Variants in SARDH observed in about 807,000 individuals in gnomAD.
SARDH encodes the protein sarcosine dehydrogenase, also known as sarcosine dehydrogenase, mitochondrial.
Under a neutral mutation model 109.1 loss-of-function variants are expected in SARDH, and 95 were observed. The observed-to-expected ratio is 0.87, with a 90% confidence interval of 0.74 to 1.03. The LOEUF is 1.03. SARDH is among the 50% of genes least tolerant of loss of function. The pLI, the probability that SARDH is intolerant of heterozygous loss-of-function variation, is 0.00. For synonymous variants in SARDH, 572 were observed against 534.8 expected, an observed-to-expected ratio of 1.07 and a Z score of -0.96; for missense variants, 1,267 against 1,287.8, an observed-to-expected ratio of 0.98 and a Z score of 0.25.
intron 8 of SARDH, among the ~76,000 whole-genome samples, chr9:133,714,172 G>A (rs1832035340): frequency 6.6e-6 from 1 of 151,968 alleles, no homozygotes; most frequent in Non-Finnish European, 1.5e-5. Context: ...TCCAAGTCTG[G>A]GGGGTCATCC....
chr9:133,681,304 A>G (rs1047117127), intron 17 of SARDH, among the ~76,000 whole-genome samples: 5 of 152,218 alleles, frequency 3.3e-5, no homozygotes, highest in African/African-American at 1.2e-4. Flanking sequence ...GAGCCCCCCA[A>G]CACGGGCCAC....
rs1021682458 is a variant in SARDH, at chr9:133,719,916, C to A, written c.916-874G>T. Among the ~76,000 whole-genome samples the A allele has an allele frequency of 1.5e-4, 23 of 150,692 alleles. 1 individual carries two copies. The highest frequency in any genetic ancestry group is 1.5e-5 in the Non-Finnish European group (1 of 67,824). Reference sequence around the variant, plus strand: ...CACGAGGTCAGGAAATCAAGACCATCCTGACTAATATGGTGAAACCTCGTC... The same window carrying A: ...CACGAGGTCAGGAAATCAAGACCATACTGACTAATATGGTGAAACCTCGTC... On this transcript the variant is annotated intron_variant, in intron 6 of 20. Transcript: ENST00000439388.
chr9:133,659,597 G>GA (rs1491429208), downstream of SARDH, among the ~76,000 whole-genome samples: 1 of 152,214 alleles, frequency 6.6e-6, no homozygotes, highest in African/African-American at 2.4e-5. Context: ...GCCTCATGGG[G>GA]AGAGAGGGAG....
intron 13 of SARDH, among the ~76,000 whole-genome samples, chr9:133,702,148 G>A (rs1008071622): frequency 6.6e-6 from 1 of 152,222 alleles, no homozygotes; most frequent in African/African-American, 2.4e-5. Context: ...GTGGCACGGG[G>A]ACAACAGCTG....
At chr9:133,668,353 C>T (rs367581164) in intron 19 of SARDH, among the ~76,000 whole-genome samples, 20 of 123,226 alleles carry the variant, frequency 1.6e-4, no homozygotes, top group Non-Finnish European at 2.2e-4. Flanking sequence ...CTCCCTCACC[C>T]TCCCTCTCCC....
intron 4 of SARDH, among the ~76,000 whole-genome samples, chr9:133,730,838 G>C (rs960967606): frequency 6.6e-6 from 1 of 152,082 alleles, no homozygotes; most frequent in African/African-American, 2.4e-5. Flanking sequence ...TTAGACGGGA[G>C]TGGTGGCGGG....
At position 133,709,443 on chromosome 9, in the gene SARDH, C is replaced by T. The variant is rs918602132; in HGVS notation, c.1329-1015G>A. On this transcript the variant is annotated intron_variant, in intron 10 of 20. Transcript: ENST00000439388. The surrounding 1 kb of genome is among the most constrained non-coding windows in gnomAD (Gnocchi z 4.2). ...CCACGCACAAACCTCCCTGTCAGCC[C>T]CCGGCTTTCCCAGCACCCCGCCTCC... Among the ~76,000 whole-genome samples the T allele has an allele frequency of 2.0e-5, 3 of 152,170 alleles. No individual in the cohort carries two copies. The highest frequency in any genetic ancestry group is 6.5e-5 in the Admixed American group (1 of 15,282).
intron 19 of SARDH, 134 bp downstream of exon 19, chr9:133,670,450 G>T: frequency 1.0e-6 from 1 of 964,230 alleles, no homozygotes; most frequent in Non-Finnish European, 1.5e-6. Flanking sequence ...GCTGTTGGGT[G>T]CGTTCTGGAA....
rs187317254 is a variant in SARDH at position 133,721,258 on chromosome 9, G to A, written c.916-2216C>T. Among the ~76,000 whole-genome samples, 88 of 152,346 alleles carry A rather than the reference G, an allele frequency of 5.8e-4. 1 individual carries two copies. The highest frequency in any genetic ancestry group is 1.3e-3 in the Admixed American group (20 of 15,302). ...AAACATCACAACACCGGATGGCCAG[G>A]AGGGCCATCAACAGGGGACTGCATC... On this transcript the variant is annotated intron_variant, in intron 6 of 20. Coordinates refer to ENST00000439388, the MANE Select transcript of SARDH (RefSeq NM_001134707.2).
chr9:133,671,032 A>G (rs1830329076), intron 18 of SARDH, among the ~76,000 whole-genome samples: 1 of 152,106 alleles, frequency 6.6e-6, no homozygotes, highest in Non-Finnish European at 1.5e-5. Flanking sequence ...CCAATGCCCA[A>G]GCTGGGTGCC....
At chr9:133,734,984 T>A (rs565601467) in intron 1 of SARDH, among the ~76,000 whole-genome samples, 1 of 152,004 alleles carries the variant, frequency 6.6e-6, no homozygotes, top group South Asian at 2.1e-4. Flanking sequence ...GCGGTGGTAG[T>A]GGCACAGCAG....
chr9:133,679,110 T>C lies in SARDH; in HGVS notation c.2163+6083A>G, dbSNP rs890519563. On this transcript the variant is annotated intron_variant, in intron 17 of 20. Transcript: ENST00000439388. ...CAAACACCCTCGCTCCAACTTCCCC[T>C]TGGGGCCCAGGCCCTTCACACTATC... 2.6e-5 allele frequency among the ~76,000 whole-genome samples: 4 copies of C among 152,198 alleles called. No homozygotes were observed. The South Asian group carries it at 8.3e-4, about 32-fold the overall frequency.
chr9:133,671,244 C>T (rs944065209), intron 18 of SARDH, among the ~76,000 whole-genome samples: 2 of 152,110 alleles, frequency 1.3e-5, no homozygotes, highest in African/African-American at 4.8e-5. Context: ...CTGGGCCTGA[C>T]CCCCAGGTGT....
rs965720009 is a variant in SARDH at position 133,671,425 on chromosome 9, G to A, written c.2326+110C>T. The A allele has an allele frequency of 2.3e-5, 30 of 1,327,126 alleles. No homozygotes were observed. The South Asian group carries it at 3.2e-4, about 14-fold the overall frequency. 82.2% of individuals were successfully genotyped at this position (1,327,126 alleles called of 1,614,324 possible). A position where few individuals can be genotyped will look rare whatever the true frequency, so the allele number is the denominator to read the frequency against. ...ATCATGGTGTGGAAAGAAGGAAGCC[G>A]GGTGACAACACAGGGAAGGTAAACA... On this transcript the variant is annotated intron_variant, in intron 18 of 20. Coordinates refer to ENST00000439388, the MANE Select transcript of SARDH (RefSeq NM_001134707.2).
At chr9:133,659,980 T>A (rs1025177823), downstream of SARDH, among the ~76,000 whole-genome samples, 1 of 151,930 alleles carries the variant, frequency 6.6e-6, no homozygotes, top group Non-Finnish European at 1.5e-5. Context: ...CCCAGATAAG[T>A]ACCTCACCTG....
intron 17 of SARDH, among the ~76,000 whole-genome samples, chr9:133,680,628 C>A (rs1830664612): frequency 1.3e-5 from 2 of 152,360 alleles, no homozygotes; most frequent in African/African-American, 4.8e-5. Context: ...GGATTCCTGG[C>A]CGCTCCGTCC....
chr9:133,684,836 T>C (rs1258380772), intron 17 of SARDH, among the ~76,000 whole-genome samples: 1 of 152,202 alleles, frequency 6.6e-6, no homozygotes, highest in African/African-American at 2.4e-5. Flanking sequence ...CCCTCCCGTT[T>C]CCAGGAGGTC....
rs769792918 is a variant in SARDH at position 133,708,314 on chromosome 9, G to T, written c.1443C>A (p.Arg481=). The T allele has an allele frequency of 6.2e-7, 1 of 1,613,274 alleles. No individual in the cohort carries two copies. ...VFPHDEPLAG[R]NMRRDPLHEE... ...CGTGCAGCGGGTCTCTCCTCATGTTGCGCCCGGCCAGCGGCTCATCGTGGG... is the reference window on the plus strand; with the variant it reads ...CGTGCAGCGGGTCTCTCCTCATGTTTCGCCCGGCCAGCGGCTCATCGTGGG... Residue 481 remains arginine (R), a synonymous_variant, in exon 11 of 21, where the codon CGC becomes CGA. Coordinates refer to ENST00000439388, the MANE Select transcript of SARDH (RefSeq NM_001134707.2).
chr9:133,717,339 C>G lies in SARDH; in HGVS notation c.1137G>C (p.Thr379=), dbSNP rs541629904. Residue 379 remains threonine, a synonymous_variant, in exon 8 of 21, where the codon ACG becomes ACC. Transcript: ENST00000439388. The part of the protein sequence containing the change: ...PVLEKTGIKS[T]VCGPESFTPD... ...GCTGTCACTCACCAGGGCCGCAGAC[C>G]GTGGACTTGATTCCTGTCTTCTCCA... 4 of 1,614,106 alleles carry G rather than the reference C, an allele frequency of 2.5e-6. No homozygotes were observed. The highest frequency in any genetic ancestry group is 2.2e-5 in the South Asian group (2 of 91,074).
Sources: gnomAD v4.1 joint callset for allele counts (sites outside exome capture counted in the v4.1 genomes callset) on GRCh38, gnomAD v4.1.1 for gene constraint, Gnocchi (gnomAD v3.1) non-coding constraint, MANE v1.5 for transcripts, NCBI Gene and HGNC (gene_info 2026-07-23, HGNC 2026-07-21) for gene names.